IL22RA2: variants seen among roughly 807,000 people sequenced by gnomAD.
IL22RA2 encodes the protein interleukin-22 receptor subunit alpha-2.
IL22RA2 carries 39 observed loss-of-function variants against 30.7 expected under a neutral mutation model. The observed-to-expected ratio is 1.27, with a 90% CI of 0.98 to 1.66. The LOEUF (loss-of-function observed/expected upper bound fraction) is 1.66. Ranked by LOEUF, IL22RA2 falls within the 40% of genes most tolerant of loss-of-function variation. IL22RA2 has a pLI of 0.00. For synonymous variants in IL22RA2, 103 were observed against 105.0 expected (o/e 0.98, Z 0.11); for missense variants, 315 against 312.7 (o/e 1.01, Z -0.05).
chr6:137,151,696 A>G (rs1402976847), intron 5 of IL22RA2, among the ~76,000 whole-genome samples: 2 of 152,228 alleles, frequency 1.3e-5, no homozygotes, highest in Non-Finnish European at 2.9e-5. Context: ...AACCCTTACA[A>G]CTCAAAAATA....
intron 5 of IL22RA2, among the ~76,000 whole-genome samples, chr6:137,148,711 C>A (rs967758189): frequency 1.3e-5 from 2 of 152,138 alleles, no homozygotes; most frequent in Non-Finnish European, 2.9e-5. Context: ...GTTTCCTACT[C>A]CCAGGCTATT....
intron 3 of IL22RA2, among the ~76,000 whole-genome samples, chr6:137,157,678 C>G (rs1211947334): frequency 6.6e-6 from 1 of 151,672 alleles, no homozygotes; most frequent in Non-Finnish European, 1.5e-5. Context: ...CTCAACCCCC[C>G]TCACCCCCCC....
intron 1 of IL22RA2, among the ~76,000 whole-genome samples, chr6:137,165,504 G>A (rs187559690): frequency 7.9e-5 from 12 of 152,284 alleles, no homozygotes; most frequent in Admixed American, 2.6e-4. Flanking sequence ...ACTTGCTGGC[G>A]GTGGCCTTAG....
In IL22RA2 at chr6:137,155,044, T is replaced by G. The variant is rs1378121160; in HGVS notation, c.369A>C (p.Glu123Asp). The change falls in exon 5 of 7, where the codon GAA becomes GAC. Residue 123 changes from glutamate (E) to aspartate (D), a missense_variant. By Grantham distance (45) the Glu-to-Asp change is conservative. Transcript: ENST00000296980. The part of the protein sequence containing the change: ...TQELSCDLTS[E>D]TSDIQEPYYG... ...AATAAGGTTCCTGTATGTCTGAGGT[T>G]TCACTGGTAAGGTCACAAGAGAGTT... 6.2e-7 allele frequency: 1 copy of G among 1,613,978 alleles called. No individual in the cohort carries two copies. Among genetic ancestry groups the G allele is most frequent in the Admixed American group, 1.7e-5 (1 of 60,002 alleles).
rs1778164096 is a variant in IL22RA2 at position 137,145,684 on chromosome 6, A to T, written c.732T>A (p.Tyr244Ter). Residue 244 changes from tyrosine (Y) to a stop codon, truncating the protein, a stop_gained, in exon 7 of 7, where the codon TAT becomes TAA. Coordinates refer to ENST00000296980, the MANE Select transcript of IL22RA2 (RefSeq NM_052962.3). LOFTEE classifies it high-confidence loss of function. ...GACTTCTTCTGTCTAACATGGGCTG[A>T]TATATTTCAGCCACTACACAGTAGC... ...HSSYCVVAEIYQPMLDRRSQR... is the reference protein window; with the variant it reads ...HSSYCVVAEI 1 of 1,613,490 alleles carries T rather than the reference A, an allele frequency of 6.2e-7. No individual in the cohort carries two copies. The highest frequency in any genetic ancestry group is 1.3e-5 in the African/African-American group (1 of 74,920).
chr6:137,146,579 A>G (rs1247971299), intron 6 of IL22RA2, among the ~76,000 whole-genome samples: 1 of 152,132 alleles, frequency 6.6e-6, no homozygotes, highest in Non-Finnish European at 1.5e-5. Flanking sequence ...TTGTTTCTAA[A>G]CAAGTTAAAC....
In IL22RA2 at chr6:137,150,649, C is replaced by G. The variant is rs112844198; in HGVS notation, c.473-2758G>C. 7.4e-3 allele frequency among the ~76,000 whole-genome samples: 1,125 copies of G among 152,236 alleles called. 9 individuals carry two copies. Among genetic ancestry groups the G allele is most frequent in the Non-Finnish European group, 0.013 (851 of 68,000 alleles). Reference sequence around the variant, plus strand: ...GCCTAATGGCTTAGACTGAAGGAAACTTTGTTTGATAAGTAAATTTGAATG... The same window carrying G: ...GCCTAATGGCTTAGACTGAAGGAAAGTTTGTTTGATAAGTAAATTTGAATG... On this transcript the variant is annotated intron_variant, in intron 5 of 6. Coordinates refer to ENST00000296980, the MANE Select transcript of IL22RA2 (RefSeq NM_052962.3).
chr6:137,162,218 CA>C (rs950573570), intron 1 of IL22RA2, among the ~76,000 whole-genome samples: 7 of 152,200 alleles, frequency 4.6e-5, no homozygotes, highest in Non-Finnish European at 7.3e-5. Context: ...TTGGCATTTG[CA>C]GCTATCGGGG....
intron 1 of IL22RA2, among the ~76,000 whole-genome samples, chr6:137,168,839 T>C (rs541386206): frequency 6.6e-6 from 1 of 152,298 alleles, no homozygotes; most frequent in African/African-American, 2.4e-5. Flanking sequence ...CCCAAAGGAC[T>C]CAAGTTCAAC....
chr6:137,170,646 C>A (rs1471112545), intron 1 of IL22RA2, among the ~76,000 whole-genome samples: 5 of 152,138 alleles, frequency 3.3e-5, no homozygotes, highest in African/African-American at 1.2e-4. Context: ...GGGGCTCAGA[C>A]TAGCTGAGCC....
intron 5 of IL22RA2, among the ~76,000 whole-genome samples, chr6:137,151,060 G>A (rs1778279239): frequency 6.6e-6 from 1 of 152,066 alleles, no homozygotes; most frequent in African/African-American, 2.4e-5. Context: ...ACTGAAAAGT[G>A]GTCTTAAAAA....
intron 1 of IL22RA2, 80 bp from the exon 2 acceptor site, chr6:137,161,894 A>G (rs1337492523): frequency 1.8e-6 from 1 of 545,232 alleles, no homozygotes; most frequent in Non-Finnish European, 3.4e-6. Flanking sequence ...TTATTTTGAT[A>G]CTACATTATA....
At chr6:137,150,520 T>C (rs540959062) in intron 5 of IL22RA2, among the ~76,000 whole-genome samples, 482 of 136,244 alleles carry the variant, frequency 3.5e-3, no homozygotes, top group Non-Finnish European at 5.5e-3. Flanking sequence ...AGAAAGGTCA[T>C]ACAGAAAACA....
chr6:137,157,525 T>C lies in IL22RA2; in HGVS notation c.198-671A>G, dbSNP rs567697135. Among the ~76,000 whole-genome samples, 6 of 152,310 alleles carry C rather than the reference T, an allele frequency of 3.9e-5. No homozygotes were observed. In the East Asian group the frequency reaches 7.7e-4, roughly 20 times the overall value. ...AAAATCTGACCTAGGACCTACCCCATGCTGGAGAGACATGGATGAATTTAT... is the reference window on the plus strand; with the variant it reads ...AAAATCTGACCTAGGACCTACCCCACGCTGGAGAGACATGGATGAATTTAT... On this transcript the variant is annotated intron_variant, in intron 3 of 6. Transcript: ENST00000296980.
At chr6:137,162,606 C>T (rs1374725942) in intron 1 of IL22RA2, among the ~76,000 whole-genome samples, 1 of 152,134 alleles carries the variant, frequency 6.6e-6, no homozygotes, top group African/African-American at 2.4e-5. Context: ...GTCTATGATT[C>T]ATTATATCAT....
In IL22RA2 at chr6:137,161,723, G is replaced by A. The variant is rs770829398; in HGVS notation, c.27C>T (p.Gly9=). The A allele has an allele frequency of 1.7e-5, 27 of 1,613,742 alleles. No individual in the cohort carries two copies. The highest frequency in any genetic ancestry group is 5.5e-5 in the South Asian group (5 of 91,046). The change falls in exon 2 of 7, where the codon GGC becomes GGT. Residue 9 remains glycine (G), a synonymous_variant. Transcript: ENST00000296980. MMPKHCFL[G]FLISFFLTGV... is the part of the protein sequence containing the mutation. ...CAGTAAGGAAGAAACTGATGAGGAA[G>A]CCTAGAAAGCAATGTTTAGGCATCA...
chr6:137,154,931 T>C lies in IL22RA2; in HGVS notation c.472+10A>G, dbSNP rs28385775. On this transcript the variant is annotated intron_variant, in intron 5 of 6. Coordinates refer to ENST00000296980, the MANE Select transcript of IL22RA2 (RefSeq NM_052962.3). ...GAAGAACAAGGGCAAAGAAACTCCATGGAACTCACTTTCCCACCAGGGAGT... is the reference window on the plus strand; with the variant it reads ...GAAGAACAAGGGCAAAGAAACTCCACGGAACTCACTTTCCCACCAGGGAGT... 8.9e-5 allele frequency: 143 copies of C among 1,613,494 alleles called. 1 individual carries two copies. In the African/African-American group the frequency reaches 1.8e-3, roughly 20 times the overall value.
At chr6:137,149,915 G>C (rs574696671) in intron 5 of IL22RA2, among the ~76,000 whole-genome samples, 1 of 152,262 alleles carries the variant, frequency 6.6e-6, no homozygotes, top group East Asian at 1.9e-4. Context: ...TTTGCCTCAA[G>C]TGATCCTCCT....
rs575299558 is a variant in IL22RA2 at position 137,149,298 on chromosome 6, G to A, written c.473-1407C>T. On this transcript the variant is annotated intron_variant, in intron 5 of 6. Transcript: ENST00000296980. Reference sequence around the variant, plus strand: ...AATAAAGACTTTACTTTGAGTCTTGGATCTGAAGAGATATGTCCCCTGGAT... The same window carrying A: ...AATAAAGACTTTACTTTGAGTCTTGAATCTGAAGAGATATGTCCCCTGGAT... 8.5e-5 allele frequency among the ~76,000 whole-genome samples: 13 copies of A among 152,204 alleles called. No individual in the cohort carries two copies. The South Asian group carries it at 2.7e-3, about 32-fold the overall frequency.
Sources: gnomAD v4.1 joint callset for allele counts (sites outside exome capture counted in the v4.1 genomes callset) on GRCh38, gnomAD v4.1.1 for gene constraint, MANE v1.5 for transcripts, NCBI Gene and HGNC (gene_info 2026-07-23, HGNC 2026-07-21) for gene names.